Variants in PTPRK observed in about 807,000 individuals in gnomAD.
PTPRK encodes receptor-type tyrosine-protein phosphatase kappa.
Under a neutral mutation model 178.0 loss-of-function variants are expected in PTPRK, and 75 were observed. The ratio of observed to expected loss-of-function variants is 0.42; its 90% CI spans 0.35 to 0.51. The LOEUF (loss-of-function observed/expected upper bound fraction) is 0.51. Ranked by LOEUF, PTPRK falls within the 20% of genes least tolerant of loss-of-function variation. PTPRK has a pLI of 0.02. For missense variants in PTPRK, 1,441 were observed against 1,797.8 expected, an observed-to-expected ratio of 0.80 and a Z score of 3.59; for synonymous variants, 637 against 620.6, an observed-to-expected ratio of 1.03 and a Z score of -0.39.
rs1033021232 is a variant in PTPRK, at chr6:127,991,237, G to A, written c.2979+57C>T. 5 of 1,336,500 alleles carry A rather than the reference G, an allele frequency of 3.7e-6. No individual in the cohort carries two copies. The African/African-American group carries it at 7.5e-5, about 20-fold the overall frequency. The allele number at this position is 1,336,500 out of a possible 1,614,324, so 82.8% of individuals were successfully genotyped here. A position where few individuals can be genotyped will look rare whatever the true frequency, so the allele number is the denominator to read the frequency against. ...ATATTCTATTTTGAGTGTCTTACAT[G>A]TTGCTTCTCAACTATGTTCATTTTT... On this transcript the variant is annotated intron_variant, in intron 20 of 29. Transcript: ENST00000368226.
intron 2 of PTPRK, among the ~76,000 whole-genome samples, chr6:128,382,211 A>G (rs1838028997): frequency 6.6e-6 from 1 of 151,436 alleles, no homozygotes; most frequent in Non-Finnish European, 1.5e-5. Flanking sequence ...AAGTATTATA[A>G]TGGTGCTAGT....
intron 3 of PTPRK, among the ~76,000 whole-genome samples, chr6:128,306,647 A>C (rs1826426252): frequency 2.0e-5 from 3 of 152,074 alleles, no homozygotes; most frequent in Admixed American, 2.0e-4. Flanking sequence ...AAATTTAAAA[A>C]TTAGCCGGGT....
At chr6:127,980,577 AT>A (rs1775212855) in intron 25 of PTPRK, among the ~76,000 whole-genome samples, 1 of 151,996 alleles carries the variant, frequency 6.6e-6, no homozygotes, top group South Asian at 2.1e-4. Flanking sequence ...GCAATTTAAG[AT>A]TTTAGAATGG....
chr6:128,443,095 A>AG (rs1846494964), intron 1 of PTPRK, among the ~76,000 whole-genome samples: 1 of 152,120 alleles, frequency 6.6e-6, no homozygotes. Context: ...CAAAAAAAAA[A>AG]CCAAAAACAA....
Position 127,991,293 on chromosome 6 carries a change from C to A in PTPRK, c.2979+1G>T. 3 of 1,588,690 alleles carry A rather than the reference C, an allele frequency of 1.9e-6. No individual in the cohort carries two copies. Among genetic ancestry groups the A allele is most frequent in the Non-Finnish European group, 2.6e-6 (3 of 1,169,042 alleles). On this transcript the variant is annotated splice_donor_variant, in intron 20 of 29. Transcript: ENST00000368226. LOFTEE classifies it high-confidence loss of function. ...AAAAAAATTCTTTTTCTTCCTCTTA[C>A]CCGGCCAACCTCAACTAAATTTGTA...
Position 128,218,903 on chromosome 6 carries a change from G to A in PTPRK, c.868+19C>T. 1.3e-6 allele frequency: 2 copies of A among 1,590,472 alleles called. No homozygotes were observed. The highest frequency in any genetic ancestry group is 1.7e-6 in the Non-Finnish European group (2 of 1,164,732). ...ATAAAGCCATGCAATTTCGTGAAGT[G>A]AAAACAATTTCACCTTACCTCTCAC... On this transcript the variant is annotated intron_variant, in intron 6 of 29. Transcript: ENST00000368226.
intron 2 of PTPRK, among the ~76,000 whole-genome samples, chr6:128,342,316 A>G (rs934950987): frequency 6.6e-6 from 1 of 152,130 alleles, no homozygotes; most frequent in East Asian, 1.9e-4. Context: ...ACACACAAAA[A>G]AATTTTTAAG....
In PTPRK at chr6:127,976,772, T is replaced by C; in HGVS notation, c.3854A>G (p.Gln1285Arg). The C allele has an allele frequency of 6.2e-7, 1 of 1,613,560 alleles. No homozygotes were observed. The highest frequency in any genetic ancestry group is 1.1e-5 in the South Asian group (1 of 91,054). The change falls in exon 27 of 30, where the codon CAG (glutamine) becomes CGG (arginine). Residue 1285 changes from glutamine (Q) to arginine (R), a missense_variant. By Grantham distance (43) the Gln-to-Arg change is conservative. Coordinates refer to ENST00000368226, the MANE Select transcript of PTPRK (RefSeq NM_002844.4). ...TAGCATCCCTTCCTCTGGCCAGTACTGAGGGCAGCCCTAAATGATGAACGT... is the reference window on the plus strand; with the variant it reads ...TAGCATCCCTTCCTCTGGCCAGTACCGAGGGCAGCCCTAAATGATGAACGT... ...NEVDLSQGCP[Q>R]YWPEEGMLRY...
At position 128,428,338 on chromosome 6, in the gene PTPRK, G is replaced by A. The variant is rs561851418; in HGVS notation, c.101-30650C>T. Among the ~76,000 whole-genome samples, 7 of 152,266 alleles carry A rather than the reference G, an allele frequency of 4.6e-5. No homozygotes were observed. The South Asian group carries it at 1.4e-3, about 32-fold the overall frequency. On this transcript the variant is annotated intron_variant, in intron 1 of 29. Transcript: ENST00000368226. ...GAGAAAGCAATTATAGCAATCTAAA[G>A]ATGCACATCATTAGTAGACTACTAA...
intron 2 of PTPRK, among the ~76,000 whole-genome samples, chr6:128,354,882 A>G (rs946445327): frequency 1.3e-5 from 2 of 152,192 alleles, no homozygotes; most frequent in African/African-American, 2.4e-5. Flanking sequence ...TCAGCCTCCA[A>G]TGGTCAGCCC....
chr6:128,464,638 C>CACACATAT (rs1164450520), intron 1 of PTPRK, among the ~76,000 whole-genome samples: 4 of 48,602 alleles, frequency 8.2e-5, no homozygotes, highest in Non-Finnish European at 1.1e-4. Context: ...TATATATACA[C>CACACATAT]ATATATATAT....
At chr6:127,982,525 C>T (rs185600756) in intron 24 of PTPRK, among the ~76,000 whole-genome samples, 16 of 152,264 alleles carry the variant, frequency 1.1e-4, no homozygotes, top group Admixed American at 3.3e-4. Flanking sequence ...CCACCCGCCT[C>T]GGCCTCCCAA....
At chr6:128,126,902 C>G (rs896180545) in intron 7 of PTPRK, among the ~76,000 whole-genome samples, 3 of 151,868 alleles carry the variant, frequency 2.0e-5, no homozygotes, top group Non-Finnish European at 4.4e-5. Context: ...TGCATTGCCA[C>G]TAGCAATAAA....
At chr6:128,046,993 G>T (rs1320039968) in intron 13 of PTPRK, among the ~76,000 whole-genome samples, 1 of 152,142 alleles carries the variant, frequency 6.6e-6, no homozygotes. Flanking sequence ...ACCAATGAAA[G>T]ATTTGACAAA....
In PTPRK at chr6:128,125,352, T is replaced by C. The variant is rs558283326; in HGVS notation, c.1163-35360A>G. Among the ~76,000 whole-genome samples the C allele has an allele frequency of 1.6e-4, 25 of 152,152 alleles. No homozygotes were observed. The South Asian group carries it at 3.9e-3, about 24-fold the overall frequency. Reference sequence around the variant, plus strand: ...AGTGAGTTCTCATGAGATCTGGTTGTTTAAAAGTGTACAGCATCTTCCCCC... The same window carrying C: ...AGTGAGTTCTCATGAGATCTGGTTGCTTAAAAGTGTACAGCATCTTCCCCC... On this transcript the variant is annotated intron_variant, in intron 7 of 29. Transcript: ENST00000368226.
intron 13 of PTPRK, among the ~76,000 whole-genome samples, chr6:128,052,599 T>C (rs1163037466): frequency 6.6e-6 from 1 of 152,052 alleles, no homozygotes; most frequent in Non-Finnish European, 1.5e-5. Flanking sequence ...ATGCTGTGCT[T>C]TTCTTGCATC....
chr6:128,404,410 A>C lies in PTPRK; in HGVS notation c.101-6722T>G, dbSNP rs1841408154. Among the ~76,000 whole-genome samples the C allele has an allele frequency of 2.0e-5, 3 of 152,242 alleles. No homozygotes were observed. In the South Asian group the frequency reaches 6.2e-4, roughly 31 times the overall value. The stretch of plus-strand genomic sequence containing the variant: ...CATACATGCGTGCAAGTTATCTCCT[A>C]CTATGCTTCACTAGTTCAGTGCTCT... On this transcript the variant is annotated intron_variant, in intron 1 of 29. Transcript: ENST00000368226.
At chr6:128,492,897 GC>G (rs1341754759) in intron 1 of PTPRK, among the ~76,000 whole-genome samples, 4 of 152,178 alleles carry the variant, frequency 2.6e-5, no homozygotes, top group African/African-American at 9.6e-5. Context: ...CTCTTGGATA[GC>G]CCCCTTGTGC....
chr6:128,044,315 C>T (rs116933962), intron 13 of PTPRK, among the ~76,000 whole-genome samples: 78 of 152,110 alleles, frequency 5.1e-4, no homozygotes, highest in Non-Finnish European at 1.0e-3. Flanking sequence ...GTATTAAATA[C>T]ACCCATTTCT....
Sources: allele counts gnomAD v4.1 joint callset (sites outside exome capture counted in the v4.1 genomes callset), GRCh38; gene constraint gnomAD v4.1.1; transcripts MANE v1.5; gene names NCBI Gene and HGNC (gene_info 2026-07-23, HGNC 2026-07-21).